The following CTNNA3 variants were observed in gnomAD, a reference collection of about 807,000 sequenced individuals.
CTNNA3 encodes the protein catenin alpha 3, also known as catenin alpha-3.
CTNNA3 carries 76 observed loss-of-function variants against 95.7 expected under a neutral mutation model. That is an observed-to-expected ratio of 0.79 (90% CI 0.66 to 0.96). The LOEUF (loss-of-function observed/expected upper bound fraction) is 0.96, where lower values mean the gene tolerates loss of function less well. Ranked by LOEUF, CTNNA3 falls within the 40% of genes least tolerant of loss-of-function variation. The probability of loss-of-function intolerance (pLI) is 0.00; values close to 1 mark genes in which losing one functional copy is unlikely to be tolerated. For missense variants in CTNNA3, 1,191 were observed against 1,089.8 expected (o/e 1.09, Z -1.31); for synonymous variants, 431 against 374.4 (o/e 1.15, Z -1.74).
At chr10:67,214,423 T>C (rs1477241786) in intron 6 of CTNNA3, among the ~76,000 whole-genome samples, 1 of 151,852 alleles carries the variant, frequency 6.6e-6, no homozygotes, top group East Asian at 1.9e-4. Flanking sequence ...ACTATGATTC[T>C]ATCCATCCTA....
At chr10:67,178,505 T>C (rs1281105242) in intron 7 of CTNNA3, among the ~76,000 whole-genome samples, 1 of 151,832 alleles carries the variant, frequency 6.6e-6, no homozygotes. Flanking sequence ...AAAGCTACAG[T>C]TCCTTTCTCC....
chr10:67,056,161 A>G (rs1376925704), intron 7 of CTNNA3, among the ~76,000 whole-genome samples: 1 of 152,184 alleles, frequency 6.6e-6, no homozygotes, highest in Non-Finnish European at 1.5e-5. Flanking sequence ...TCGCCCATTC[A>G]TGGAATTTAT....
chr10:65,932,280 T>G (rs1216870936), intron 17 of CTNNA3, among the ~76,000 whole-genome samples: 1 of 152,190 alleles, frequency 6.6e-6, no homozygotes, highest in African/African-American at 2.4e-5. Flanking sequence ...ATATCCTGTT[T>G]CATTGTCATT....
chr10:66,782,815 A>G (rs1840593788), intron 7 of CTNNA3, among the ~76,000 whole-genome samples: 1 of 152,168 alleles, frequency 6.6e-6, no homozygotes, highest in African/African-American at 2.4e-5. Context: ...TTATTAAATC[A>G]GTGTTTTTAT....
At chr10:66,709,407 C>A (rs1473885995) in intron 9 of CTNNA3, among the ~76,000 whole-genome samples, 3 of 151,932 alleles carry the variant, frequency 2.0e-5, no homozygotes, top group African/African-American at 7.3e-5. Flanking sequence ...TGAGTCTCAG[C>A]AAATGTCAGA....
At chr10:66,473,921 G>C (rs1839228378) in intron 11 of CTNNA3, among the ~76,000 whole-genome samples, 1 of 151,954 alleles carries the variant, frequency 6.6e-6, no homozygotes, top group South Asian at 2.1e-4. Context: ...ATCATTGTTG[G>C]ACATTTGGGT....
chr10:66,920,013 T>A (rs1489484796), intron 7 of CTNNA3, among the ~76,000 whole-genome samples: 1 of 152,210 alleles, frequency 6.6e-6, no homozygotes, highest in Non-Finnish European at 1.5e-5. Flanking sequence ...GTTGTGGTAT[T>A]AAAATTAGTA....
intron 11 of CTNNA3, among the ~76,000 whole-genome samples, chr10:66,506,287 G>A (rs1448136812): frequency 6.6e-6 from 1 of 152,162 alleles, no homozygotes; most frequent in Non-Finnish European, 1.5e-5. Context: ...GGGGTTGAAT[G>A]TCCAAACCAC....
chr10:67,735,214 G>A (rs868173092), intron 1 of CTNNA3, among the ~76,000 whole-genome samples: 6 of 151,552 alleles, frequency 4.0e-5, no homozygotes, highest in Non-Finnish European at 8.8e-5. Flanking sequence ...GTTCTATAGA[G>A]CATCCTTTGA....
At chr10:67,157,310 T>G (rs1273054472) in intron 7 of CTNNA3, among the ~76,000 whole-genome samples, 1 of 152,172 alleles carries the variant, frequency 6.6e-6, no homozygotes, top group Non-Finnish European at 1.5e-5. Flanking sequence ...TAAGTATATC[T>G]GCCATGAATT....
chr10:66,449,375 G>A (rs1015143482), intron 11 of CTNNA3, among the ~76,000 whole-genome samples: 1 of 152,042 alleles, frequency 6.6e-6, no homozygotes, highest in African/African-American at 2.4e-5. Flanking sequence ...GTAAGGGAAC[G>A]AACACGTCAA....
intron 7 of CTNNA3, among the ~76,000 whole-genome samples, chr10:67,081,535 T>C (rs1016573691): frequency 7.9e-5 from 12 of 152,228 alleles, no homozygotes; most frequent in African/African-American, 2.9e-4. Context: ...ATAAATGATA[T>C]AAATTGACCC....
chr10:66,494,262 T>C (rs1225037410), intron 11 of CTNNA3, among the ~76,000 whole-genome samples: 1 of 152,136 alleles, frequency 6.6e-6, no homozygotes, highest in East Asian at 1.9e-4. Flanking sequence ...GAAGACATAA[T>C]TTGTTGCTCA....
At chr10:67,260,654 T>C (rs899205001) in intron 5 of CTNNA3, among the ~76,000 whole-genome samples, 2 of 151,614 alleles carry the variant, frequency 1.3e-5, no homozygotes, top group African/African-American at 4.9e-5. Flanking sequence ...ACATGCTACG[T>C]GACTTTCACT....
chr10:65,974,644 T>G (rs2078175704), intron 16 of CTNNA3, among the ~76,000 whole-genome samples: 1 of 152,152 alleles, frequency 6.6e-6, no homozygotes, highest in Non-Finnish European at 1.5e-5. Context: ...TTGGGTACTA[T>G]GCTCACTACC....
At chr10:67,296,463 A>G (rs1302000479) in intron 5 of CTNNA3, among the ~76,000 whole-genome samples, 1 of 152,234 alleles carries the variant, frequency 6.6e-6, no homozygotes, top group Non-Finnish European at 1.5e-5. Context: ...TGGATAAAAT[A>G]TTTTATAAGT....
At chr10:66,077,704 C>A (rs2080597700) in intron 14 of CTNNA3, among the ~76,000 whole-genome samples, 1 of 151,542 alleles carries the variant, frequency 6.6e-6, no homozygotes, top group Non-Finnish European at 1.5e-5. Flanking sequence ...CTGTATGGAG[C>A]CCCTAAAACA....
intron 5 of CTNNA3, among the ~76,000 whole-genome samples, chr10:67,407,691 T>C (rs1249514333): frequency 6.6e-6 from 1 of 152,190 alleles, no homozygotes; most frequent in Non-Finnish European, 1.5e-5. Context: ...CAAAAGCTTC[T>C]TAAGGTGATA....
intron 7 of CTNNA3, among the ~76,000 whole-genome samples, chr10:66,883,634 GT>G (rs1210935289): frequency 1.3e-5 from 2 of 152,114 alleles, no homozygotes; most frequent in African/African-American, 4.8e-5. Flanking sequence ...TGTTATAAAA[GT>G]TAAATAATTT....
Sources: gnomAD v4.1 joint callset for allele counts (sites outside exome capture counted in the v4.1 genomes callset) on GRCh38, gnomAD v4.1.1 for gene constraint, MANE v1.5 for transcripts, NCBI Gene and HGNC (gene_info 2026-07-23, HGNC 2026-07-21) for gene names.